TEKT1: variants seen among roughly 807,000 people sequenced by gnomAD.
The protein encoded by TEKT1 is tektin 1, also known as tektin-1.
TEKT1 carries 32 observed loss-of-function variants against 34.8 expected under a neutral mutation model. That is an observed-to-expected ratio of 0.92 (90% CI 0.69 to 1.23). The LOEUF (loss-of-function observed/expected upper bound fraction) is 1.23. Among genes scored for constraint, TEKT1 ranks in the 50% most tolerant of loss-of-function variants. The pLI is 0.00. For missense variants in TEKT1, 492 were observed against 518.5 expected, an observed-to-expected ratio of 0.95 and a Z score of 0.50; for synonymous variants, 207 against 199.8, an observed-to-expected ratio of 1.04 and a Z score of -0.30.
At chr17:6,819,446 C>T (rs1333409558) in intron 2 of TEKT1, 88 bp from the exon 3 acceptor site, 13 of 1,339,958 alleles carry the variant, frequency 9.7e-6, no homozygotes, top group Non-Finnish European at 1.3e-5. Context: ...GTTGTAAAAC[C>T]ACCTGTGACA....
intron 1 of TEKT1, 121 bp from the exon 2 acceptor site, chr17:6,830,514 A>G: frequency 2.7e-6 from 2 of 727,498 alleles, no homozygotes; most frequent in Non-Finnish European, 4.2e-6. Context: ...TACACAAAAT[A>G]AATCTATCTG....
intron 5 of TEKT1, among the ~76,000 whole-genome samples, chr17:6,813,415 A>C (rs916008331): frequency 3.3e-5 from 5 of 152,208 alleles, no homozygotes; most frequent in Non-Finnish European, 5.9e-5. Flanking sequence ...AATGTAATAG[A>C]TTACACTGAA....
chr17:6,822,425 C>A (rs1977105685), intron 2 of TEKT1, among the ~76,000 whole-genome samples: 1 of 152,176 alleles, frequency 6.6e-6, no homozygotes, highest in Non-Finnish European at 1.5e-5. Flanking sequence ...GTGTGAGCCA[C>A]CATAACTTCT....
At chr17:6,823,367 CT>C (rs1488688528) in intron 2 of TEKT1, among the ~76,000 whole-genome samples, 2 of 152,140 alleles carry the variant, frequency 1.3e-5, no homozygotes, top group Non-Finnish European at 2.9e-5. Context: ...ACCAGCTGAC[CT>C]TTGCTTTCTA....
At chr17:6,810,747 A>ATT (rs141051341) in intron 6 of TEKT1, among the ~76,000 whole-genome samples, 1 of 151,608 alleles carries the variant, frequency 6.6e-6, no homozygotes, top group Admixed American at 6.6e-5. Context: ...ATTTTTATGC[A>ATT]TTTTTTTTGA....
chr17:6,803,160 G>C (rs1271234536), intron 6 of TEKT1, among the ~76,000 whole-genome samples: 1 of 152,178 alleles, frequency 6.6e-6, no homozygotes, highest in African/African-American at 2.4e-5. Context: ...TCTAACTGGT[G>C]TGAGATGGTC....
intron 3 of TEKT1, among the ~76,000 whole-genome samples, chr17:6,818,952 C>T (rs1243630062): frequency 1.3e-5 from 2 of 152,216 alleles, no homozygotes; most frequent in African/African-American, 4.8e-5. Flanking sequence ...CTGCTACCCA[C>T]AGCCAAACCT....
intron 2 of TEKT1, among the ~76,000 whole-genome samples, chr17:6,823,318 C>T (rs150251360): frequency 6.6e-6 from 1 of 152,252 alleles, no homozygotes; most frequent in African/African-American, 2.4e-5. Flanking sequence ...TCTTATTGTT[C>T]TCTACCCAGC....
In TEKT1 at chr17:6,819,198, T is replaced by C. The variant is rs561555039; in HGVS notation, c.351A>G (p.Ala117=). 5 of 1,612,118 alleles carry C rather than the reference T, an allele frequency of 3.1e-6. No individual in the cohort carries two copies. In the African/African-American group the frequency reaches 5.3e-5, roughly 17 times the overall value. Residue 117 remains alanine, a synonymous_variant, in exon 3 of 8, where the codon GCA becomes GCG. Transcript: ENST00000338694. ...EPLHITETCL[A]YREKRIGIDL... ...TGAGGGACCTTCGCTCCTACCTGTA[T>C]GCCAGGCATGTCTCAGTGATGTGCA... is the stretch of plus-strand genomic sequence containing the variant.
At chr17:6,829,386 C>A (rs1904497917) in intron 2 of TEKT1, among the ~76,000 whole-genome samples, 1 of 152,164 alleles carries the variant, frequency 6.6e-6, no homozygotes. Flanking sequence ...ATGCTCAAGT[C>A]TTTTATACAA....
intron 7 of TEKT1, 141 bp downstream of exon 7, chr17:6,800,606 G>C (rs1359257745): frequency 3.8e-6 from 4 of 1,058,800 alleles, no homozygotes; most frequent in Non-Finnish European, 5.3e-6. Context: ...AGGTGGTGGA[G>C]ACTTCCCTCT....
chr17:6,824,857 T>C (rs1487573597), intron 2 of TEKT1, among the ~76,000 whole-genome samples: 1 of 152,172 alleles, frequency 6.6e-6, no homozygotes, highest in Non-Finnish European at 1.5e-5. Flanking sequence ...CATACTTATT[T>C]TGAGGTGCCT....
rs775122192 is a variant in TEKT1 at position 6,812,873 on chromosome 17, A to T, written c.810T>A (p.Asp270Glu). ...VDTAFKNGLK[D>E]TKDARDKLAD... The stretch of plus-strand genomic sequence containing the variant: ...CCAGCTTGTCCCTGGCATCCTTTGT[A>T]TCCTTCAGCCCATTCTTGAATGCCG... Residue 270 changes from aspartate to glutamate, a missense_variant, in exon 6 of 8, where the codon GAT becomes GAA. Physicochemically the swap from Asp to Glu is conservative, Grantham distance 45. Transcript: ENST00000338694. 2 of 1,614,130 alleles carry T rather than the reference A, an allele frequency of 1.2e-6. No homozygotes were observed. The highest frequency in any genetic ancestry group is 1.7e-6 in the Non-Finnish European group (2 of 1,180,020).
intron 6 of TEKT1, among the ~76,000 whole-genome samples, chr17:6,809,463 C>T (rs1976896581): frequency 2.0e-5 from 3 of 152,124 alleles, no homozygotes; most frequent in Admixed American, 2.0e-4. Flanking sequence ...AACCTCTGAC[C>T]TCAGGTGATC....
chr17:6,798,322 T>A lies in TEKT1; in HGVS notation c.*1705A>T. The stretch of plus-strand genomic sequence containing the variant: ...GAATCCACCACTGAGGCTGGCTGCC[T>A]CTGAGAGCTGTATTCACAAGGAAGG... On this transcript the variant is annotated 3_prime_UTR_variant, in exon 8 of 8. Transcript: ENST00000338694. 1 of 152,308 alleles carries A rather than the reference T, an allele frequency of 6.6e-6. No homozygotes were observed. Among genetic ancestry groups the A allele is most frequent in the Admixed American group, 6.5e-5 (1 of 15,280 alleles). 9.4% of individuals were successfully genotyped at this position (152,308 alleles called of 1,614,324 possible). A position where few individuals can be genotyped will look rare whatever the true frequency, so the allele number is the denominator to read the frequency against.
At chr17:6,831,389 G>A (rs1904570450) in intron 1 of TEKT1, among the ~76,000 whole-genome samples, 1 of 152,110 alleles carries the variant, frequency 6.6e-6, no homozygotes, top group Admixed American at 6.5e-5. Flanking sequence ...ATCTTGACTA[G>A]GCTGAGAACC....
chr17:6,825,669 T>A (rs1185843708), intron 2 of TEKT1, among the ~76,000 whole-genome samples: 1 of 152,246 alleles, frequency 6.6e-6, no homozygotes, highest in East Asian at 1.9e-4. Flanking sequence ...TATAGATTCA[T>A]TTTTCATTTT....
chr17:6,811,927 A>G lies in TEKT1; in HGVS notation c.852+904T>C, dbSNP rs1045445849. On this transcript the variant is annotated intron_variant, in intron 6 of 7. Coordinates refer to ENST00000338694, the MANE Select transcript of TEKT1 (RefSeq NM_053285.2). The surrounding 1 kb of genome is among the most constrained non-coding windows in gnomAD (Gnocchi z 4.4). The stretch of plus-strand genomic sequence containing the variant: ...CGATATCTGTGGTACAAATGCTCCC[A>G]CTTTGTATTTGCAGTACAAATACTA... Among the ~76,000 whole-genome samples the G allele has an allele frequency of 6.6e-6, 1 of 152,116 alleles. No homozygotes were observed. The highest frequency in any genetic ancestry group is 2.4e-5 in the African/African-American group (1 of 41,430).
chr17:6,823,033 A>C (rs907619798), intron 2 of TEKT1, among the ~76,000 whole-genome samples: 6 of 152,204 alleles, frequency 3.9e-5, no homozygotes, highest in African/African-American at 1.4e-4. Context: ...CTCCTGTCTG[A>C]GGGTAGAAGC....
Sources: allele counts gnomAD v4.1 joint callset (sites outside exome capture counted in the v4.1 genomes callset), GRCh38; gene constraint gnomAD v4.1.1; non-coding constraint Gnocchi (gnomAD v3.1); transcripts MANE v1.5; gene names NCBI Gene and HGNC (gene_info 2026-07-23, HGNC 2026-07-21).